LMNA: variants seen among roughly 807,000 people sequenced by gnomAD.
LMNA encodes the protein lamin A/C, also known as lamin.
A neutral mutation model predicts 70.4 loss-of-function variants in LMNA; 20 were observed. The ratio of observed to expected loss-of-function variants is 0.28; its 90% CI spans 0.20 to 0.41. The LOEUF is 0.41. Among genes scored for constraint, LMNA ranks in the 10% least tolerant of loss-of-function variants. The probability of loss-of-function intolerance (pLI) is 1.00; values close to 1 mark genes in which losing one functional copy is unlikely to be tolerated. For missense variants in LMNA, 652 were observed against 917.2 expected (o/e 0.71, Z 3.73); for synonymous variants, 339 against 372.8 (o/e 0.91, Z 1.04).
intron 2 of LMNA, among the ~76,000 whole-genome samples, chr1:156,088,590 C>T (rs1048003178): frequency 2.0e-5 from 3 of 152,140 alleles, no homozygotes; most frequent in Non-Finnish European, 4.4e-5. Context: ...ATTGCTTGAG[C>T]CCAGGAGTTT....
chr1:156,109,894 C>T (rs1649475246), upstream of LMNA: 1 of 151,168 alleles, frequency 6.6e-6, no homozygotes, highest in South Asian at 2.1e-4. Flanking sequence ...CTTGCTCAGG[C>T]TGGAGTGCAG....
intron 1 of LMNA, 32 bp from the exon 2 acceptor site, chr1:156,130,585 C>T (rs1650963239): frequency 5.0e-6 from 8 of 1,612,624 alleles, no homozygotes; most frequent in Non-Finnish European, 6.8e-6. Context: ...CAGACTCCTT[C>T]TCTTAAATCT....
intron 3 of LMNA, among the ~76,000 whole-genome samples, chr1:156,100,434 C>A (rs1649103572): frequency 6.6e-6 from 1 of 152,072 alleles, no homozygotes. Context: ...TTTTTTAGCT[C>A]CTGCTGGTTA....
chr1:156,093,685 A>G (rs879438910), intron 3 of LMNA: 8 of 152,152 alleles, frequency 5.3e-5, no homozygotes, highest in Non-Finnish European at 7.3e-5. Context: ...TTGTAACTGT[A>G]TGTTTACACT....
intron 1 of LMNA, among the ~76,000 whole-genome samples, chr1:156,122,705 G>A (rs1017600532): frequency 1.5e-4 from 23 of 152,322 alleles, no homozygotes; most frequent in African/African-American, 5.5e-4. Context: ...GGGGGCTAGG[G>A]CGAAGGCCTA....
chr1:156,136,557 T>A lies in LMNA; in HGVS notation c.1380+121T>A. 9.7e-7 allele frequency: 1 copy of A among 1,031,886 alleles called. No homozygotes were observed. Among genetic ancestry groups the A allele is most frequent in the Non-Finnish European group, 1.5e-6 (1 of 687,906 alleles). 63.9% of individuals were successfully genotyped at this position (1,031,886 alleles called of 1,614,324 possible). A position where few individuals can be genotyped will look rare whatever the true frequency, so the allele number is the denominator to read the frequency against. On this transcript the variant is annotated intron_variant, in intron 7 of 11. Transcript: ENST00000368300. This position sits in a 1 kb window ranked among gnomAD's most constrained non-coding sequence, Gnocchi z 6.1. ...CTCAGAGGGTGGACCAGGGTGAGCC[T>A]GTATATCTCCTCCACACTCTGGTTC...
At chr1:156,126,941 C>T (rs1258399448) in intron 1 of LMNA, 10 of 1,556,074 alleles carry the variant, frequency 6.4e-6, no homozygotes, top group Non-Finnish European at 8.7e-6. Flanking sequence ...TTTCCCGACC[C>T]CTGCCCGGGT....
At chr1:156,108,635 G>A (rs770022307) in intron 3 of LMNA, among the ~76,000 whole-genome samples, 1 of 151,980 alleles carries the variant, frequency 6.6e-6, no homozygotes, top group Non-Finnish European at 1.5e-5. Context: ...TTTTAGTGGC[G>A]CATGGTTGTA....
intron 1 of LMNA, among the ~76,000 whole-genome samples, chr1:156,125,287 A>C (rs1395730507): frequency 2.6e-5 from 4 of 152,142 alleles, no homozygotes; most frequent in African/African-American, 4.8e-5. Flanking sequence ...GATATATTGC[A>C]GTAGGAGGAG....
At position 156,134,502 on chromosome 1, in the gene LMNA, G is replaced by T; in HGVS notation, c.613G>T (p.Asp205Tyr). 1 of 1,614,182 alleles carries T rather than the reference G, an allele frequency of 6.2e-7. No individual in the cohort carries two copies. Among genetic ancestry groups the T allele is most frequent in the Non-Finnish European group, 8.5e-7 (1 of 1,180,042 alleles). ...NRLQTMKEEL[D>Y]FQKNIYSEEL... ...GCTGCAGACCATGAAGGAGGAACTG[G>T]ACTTCCAGAAGAACATCTACAGTGA... Residue 205 changes from aspartate to tyrosine, a missense_variant, in exon 3 of 12, where the codon GAC (aspartate) becomes TAC (tyrosine). Physicochemically the swap from Asp to Tyr is radical, Grantham distance 160. Coordinates refer to ENST00000368300, the MANE Select transcript of LMNA (RefSeq NM_170707.4). The surrounding 1 kb of genome is among the most constrained non-coding windows in gnomAD (Gnocchi z 5.3).
rs79589551 is a variant in LMNA at position 156,103,047 on chromosome 1, T to C, written c.-206-11666T>C. On this transcript the variant is annotated intron_variant, in intron 3 of 12. Coordinates refer to the LMNA transcript ENST00000368301. The surrounding 1 kb of genome is among the most constrained non-coding windows in gnomAD (Gnocchi z 4.7). The stretch of plus-strand genomic sequence containing the variant: ...CTTCCGTCTCTCCCCTGGTTTCATT[T>C]CACAGCCAAGCCCTCATCTATCCTT... 6.9e-4 allele frequency among the ~76,000 whole-genome samples: 105 copies of C among 152,282 alleles called. No homozygotes were observed. Among genetic ancestry groups the C allele is most frequent in the African/African-American group, 2.4e-3 (101 of 41,546 alleles).
intron 3 of LMNA, among the ~76,000 whole-genome samples, chr1:156,104,918 G>A (rs1649275062): frequency 6.6e-6 from 1 of 152,164 alleles, no homozygotes; most frequent in South Asian, 2.1e-4. Context: ...CTCCTCTGGG[G>A]TAGGACTGAG....
intron 3 of LMNA, among the ~76,000 whole-genome samples, chr1:156,096,175 A>T (rs1167970069): frequency 6.6e-6 from 1 of 151,704 alleles, no homozygotes; most frequent in Non-Finnish European, 1.5e-5. Context: ...TTCTTTGCCC[A>T]TCTCTCCTCC....
chr1:156,114,966 C>T lies in LMNA; in HGVS notation c.48C>T (p.Ala16=). 1 of 1,588,176 alleles carries T rather than the reference C, an allele frequency of 6.3e-7. No individual in the cohort carries two copies. Among genetic ancestry groups the T allele is most frequent in the South Asian group, 1.1e-5 (1 of 87,268 alleles). Residue 16 remains alanine (A), a synonymous_variant, in exon 1 of 12, where the codon GCC becomes GCT. Transcript: ENST00000368300. ...GCGCCACCCGCAGCGGGGCGCAGGC[C>T]AGCTCCACTCCGCTGTCGCCCACCC... ...QRRATRSGAQ[A]SSTPLSPTRI...
chr1:156,126,682 C>T, intron 1 of LMNA: 1 of 1,485,886 alleles, frequency 6.7e-7, no homozygotes, highest in Non-Finnish European at 9.2e-7. Flanking sequence ...CTACCTTATT[C>T]TTTTCCTCTC....
At chr1:156,085,993 T>C (rs1419042705) in intron 2 of LMNA, among the ~76,000 whole-genome samples, 1 of 152,182 alleles carries the variant, frequency 6.6e-6, no homozygotes, top group East Asian at 1.9e-4. Context: ...AAGCAGAGGT[T>C]GCAGCCAAGA....
intron 3 of LMNA, among the ~76,000 whole-genome samples, chr1:156,107,818 T>C (rs1458250321): frequency 1.3e-5 from 2 of 151,922 alleles, no homozygotes; most frequent in Non-Finnish European, 2.9e-5. Context: ...TTTTTTTCTT[T>C]TTTTTTGAGA....
At chr1:156,091,686 T>C (rs1648709071) in intron 3 of LMNA, among the ~76,000 whole-genome samples, 1 of 152,178 alleles carries the variant, frequency 6.6e-6, no homozygotes. Flanking sequence ...TTCTAGGCCC[T>C]GAATACATCA....
chr1:156,120,093 A>G (rs1247248166), intron 1 of LMNA, among the ~76,000 whole-genome samples: 1 of 152,184 alleles, frequency 6.6e-6, no homozygotes, highest in African/African-American at 2.4e-5. Flanking sequence ...TTCCACTCCA[A>G]AAAGGCCCTG....
Sources: gnomAD v4.1 joint callset for allele counts (sites outside exome capture counted in the v4.1 genomes callset) on GRCh38, gnomAD v4.1.1 for gene constraint, Gnocchi (gnomAD v3.1) non-coding constraint, MANE v1.5 for transcripts, NCBI Gene and HGNC (gene_info 2026-07-23, HGNC 2026-07-21) for gene names.